Variants in SKAP2 observed in about 807,000 individuals in gnomAD.
The protein encoded by SKAP2 is src kinase associated phosphoprotein 2.
In SKAP2, 28 loss-of-function variants were observed where a neutral mutation model predicts 54.9. The ratio of observed to expected loss-of-function variants is 0.51; its 90% CI spans 0.38 to 0.70. The LOEUF (loss-of-function observed/expected upper bound fraction) is 0.70. SKAP2 is among the 30% of genes least tolerant of loss of function. The pLI, the probability that SKAP2 is intolerant of heterozygous loss-of-function variation, is 0.00. For missense variants in SKAP2, 356 were observed against 424.1 expected (o/e 0.84, Z 1.41); for synonymous variants, 137 against 134.3 (o/e 1.02, Z -0.14).
At chr7:26,853,425 G>T (rs1372232008) in intron 3 of SKAP2, among the ~76,000 whole-genome samples, 3 of 151,992 alleles carry the variant, frequency 2.0e-5, no homozygotes, top group African/African-American at 7.3e-5. Context: ...TTCCCCTAAA[G>T]AATTGAATAT....
intron 4 of SKAP2, among the ~76,000 whole-genome samples, chr7:26,748,045 C>CCTTCTCCAT (rs1782595605): frequency 6.6e-6 from 1 of 151,892 alleles, no homozygotes; most frequent in Non-Finnish European, 1.5e-5. Flanking sequence ...TCCTTCTCCA[C>CCTTCTCCAT]TCATTTAAAA....
At chr7:26,674,786 A>T (rs1216038232) in intron 11 of SKAP2, among the ~76,000 whole-genome samples, 1 of 152,214 alleles carries the variant, frequency 6.6e-6, no homozygotes, top group Non-Finnish European at 1.5e-5. Flanking sequence ...TTAAAGCAAG[A>T]GAGACAAAAA....
At chr7:26,722,454 C>G (rs1787599461) in intron 9 of SKAP2, among the ~76,000 whole-genome samples, 1 of 139,226 alleles carries the variant, frequency 7.2e-6, no homozygotes, top group African/African-American at 2.7e-5. Flanking sequence ...TGTAGTGCCT[C>G]AATCTTGGCT....
intron 4 of SKAP2, among the ~76,000 whole-genome samples, chr7:26,744,884 T>A (rs1159077177): frequency 6.6e-6 from 1 of 152,182 alleles, no homozygotes; most frequent in Non-Finnish European, 1.5e-5. Flanking sequence ...GTTTTTATTA[T>A]CATTTTTATT....
chr7:26,746,362 C>T (rs867369738), intron 4 of SKAP2, among the ~76,000 whole-genome samples: 1 of 152,150 alleles, frequency 6.6e-6, no homozygotes, highest in Non-Finnish European at 1.5e-5. Context: ...GGGATGCAGA[C>T]ACTTTGTTTC....
intron 4 of SKAP2, among the ~76,000 whole-genome samples, chr7:26,820,052 A>G (rs1784358512): frequency 2.0e-5 from 3 of 152,236 alleles, no homozygotes; most frequent in African/African-American, 7.2e-5. Context: ...GCGCACTGGC[A>G]CATGCCTATA....
intron 10 of SKAP2, among the ~76,000 whole-genome samples, chr7:26,685,521 AT>A (rs1786616729): frequency 6.6e-6 from 1 of 152,138 alleles, no homozygotes; most frequent in African/African-American, 2.4e-5. Context: ...TTTTCAACCG[AT>A]TTTTGTCAGC....
intron 4 of SKAP2, among the ~76,000 whole-genome samples, chr7:26,770,449 T>C (rs1209826549): frequency 6.6e-6 from 1 of 152,020 alleles, no homozygotes; most frequent in Non-Finnish European, 1.5e-5. Context: ...CAGTCCCTTT[T>C]CCAGGGGAAT....
Position 26,699,235 on chromosome 7 carries a change from G to T in SKAP2, c.797-8873C>A, listed in dbSNP as rs570700564. Among the ~76,000 whole-genome samples, 24 of 152,256 alleles carry T rather than the reference G, an allele frequency of 1.6e-4. No homozygotes were observed. The East Asian group carries it at 4.0e-3, about 26-fold the overall frequency. ...ATACCTACAATTACCTGCAAGTAAA[G>T]TACCTCCCTTTTCCTTCCTACATAT... is the stretch of plus-strand genomic sequence containing the variant. On this transcript the variant is annotated intron_variant, in intron 9 of 12. Coordinates refer to ENST00000345317, the MANE Select transcript of SKAP2 (RefSeq NM_003930.5).
rs139615753 is a variant in SKAP2 at position 26,725,372 on chromosome 7, T to TCA, written c.796+54_796+55dup. 2,211 of 1,108,800 alleles carry TCA rather than the reference T, an allele frequency of 2.0e-3. 1 individual carries two copies. The highest frequency in any genetic ancestry group is 4.5e-3 in the Middle Eastern group (19 of 4,252). 68.7% of individuals were successfully genotyped at this position (1,108,800 alleles called of 1,614,324 possible). On this transcript the variant is annotated intron_variant, in intron 9 of 12. Transcript: ENST00000345317. The stretch of plus-strand genomic sequence containing the variant: ...CACACACACAAACACACACACACAC[T>TCA]CACACACACACACACAGCCCTAAAA...
intron 9 of SKAP2, among the ~76,000 whole-genome samples, chr7:26,695,253 T>C (rs1320922748): frequency 6.6e-6 from 1 of 152,188 alleles, no homozygotes; most frequent in Non-Finnish European, 1.5e-5. Context: ...AGCTCTGAAA[T>C]AAAGTTTGGA....
chr7:26,849,186 A>C (rs1197637898), intron 3 of SKAP2, among the ~76,000 whole-genome samples: 2 of 152,240 alleles, frequency 1.3e-5, no homozygotes, highest in Non-Finnish European at 2.9e-5. Context: ...TGCTATTCTT[A>C]GTCCATTAAT....
chr7:26,748,967 G>A (rs1782619914), intron 4 of SKAP2, among the ~76,000 whole-genome samples: 1 of 152,082 alleles, frequency 6.6e-6, no homozygotes, highest in Non-Finnish European at 1.5e-5. Context: ...GATAATAGGA[G>A]GGCATACTAT....
intron 4 of SKAP2, among the ~76,000 whole-genome samples, chr7:26,780,957 A>T (rs1413538589): frequency 1.3e-5 from 2 of 152,174 alleles, no homozygotes; most frequent in Admixed American, 1.3e-4. Flanking sequence ...TATTAAGGAT[A>T]TGTTTATAAA....
chr7:26,777,573 C>T (rs979520631), intron 4 of SKAP2, among the ~76,000 whole-genome samples: 2 of 152,158 alleles, frequency 1.3e-5, no homozygotes, highest in Non-Finnish European at 2.9e-5. Flanking sequence ...GCAGTGTATT[C>T]TTCTGCTTAT....
chr7:26,674,559 G>C (rs915006456), intron 11 of SKAP2, among the ~76,000 whole-genome samples: 1 of 152,050 alleles, frequency 6.6e-6, no homozygotes. Context: ...TTGAATCTTA[G>C]ATTCCTAACC....
At chr7:26,788,479 A>C (rs1783605243) in intron 4 of SKAP2, among the ~76,000 whole-genome samples, 1 of 152,206 alleles carries the variant, frequency 6.6e-6, no homozygotes, top group Non-Finnish European at 1.5e-5. Context: ...TATTTTTCTT[A>C]CATTACAAAT....
At chr7:26,812,100 G>A (rs1424836007) in intron 4 of SKAP2, among the ~76,000 whole-genome samples, 1 of 152,116 alleles carries the variant, frequency 6.6e-6, no homozygotes, top group South Asian at 2.1e-4. Context: ...GATGTTAACC[G>A]AAATTGCAAA....
At chr7:26,690,409 AT>A (rs771494510) in intron 9 of SKAP2, 47 bp from the exon 10 acceptor site, 5 of 1,198,750 alleles carry the variant, frequency 4.2e-6, no homozygotes, top group Non-Finnish European at 6.2e-6. Context: ...TTTCTCAGGG[AT>A]AACACTACAG....
Sources: gnomAD v4.1 joint callset for allele counts (sites outside exome capture counted in the v4.1 genomes callset) on GRCh38, gnomAD v4.1.1 for gene constraint, MANE v1.5 for transcripts, NCBI Gene and HGNC (gene_info 2026-07-23, HGNC 2026-07-21) for gene names.